AGBL1: variants seen among roughly 807,000 people sequenced by gnomAD.
AGBL1 encodes the protein cytosolic carboxypeptidase 4.
Under a neutral mutation model 118.9 loss-of-function variants are expected in AGBL1, and 130 were observed. The ratio of observed to expected loss-of-function variants is 1.09; its 90% CI spans 0.95 to 1.26. The LOEUF is 1.26. Among genes scored for constraint, AGBL1 ranks in the 50% most tolerant of loss-of-function variants. The pLI is 0.00. For missense variants in AGBL1, 1,584 were observed against 1,298.1 expected (o/e 1.22, Z -3.38); for synonymous variants, 555 against 478.9 (o/e 1.16, Z -2.08).
chr15:86,505,495 A>T (rs748560406), intron 18 of AGBL1, among the ~76,000 whole-genome samples: 1 of 151,426 alleles, frequency 6.6e-6, no homozygotes, highest in Non-Finnish European at 1.5e-5. Context: ...AAAGTGGATA[A>T]CCCCTTCCAG....
At chr15:86,128,821 A>G (rs1436604965) in intron 1 of AGBL1, among the ~76,000 whole-genome samples, 1 of 152,194 alleles carries the variant, frequency 6.6e-6, no homozygotes, top group African/African-American at 2.4e-5. Flanking sequence ...TAATCTTACC[A>G]TACCTGAAAC....
At chr15:86,685,952 T>C (rs2086046640) in intron 22 of AGBL1, among the ~76,000 whole-genome samples, 1 of 152,172 alleles carries the variant, frequency 6.6e-6, no homozygotes, top group South Asian at 2.1e-4. Context: ...CGTAACATCC[T>C]CCACTATAGG....
intron 23 of AGBL1, among the ~76,000 whole-genome samples, chr15:86,966,807 G>A (rs2081058686): frequency 6.6e-6 from 1 of 152,042 alleles, no homozygotes. Context: ...TGTCTTTATA[G>A]CAGCATGATT....
At chr15:86,441,536 A>G (rs975375506) in intron 18 of AGBL1, among the ~76,000 whole-genome samples, 9 of 152,182 alleles carry the variant, frequency 5.9e-5, no homozygotes, top group Non-Finnish European at 1.3e-4. Context: ...AATGACATAG[A>G]TATGCTTCTA....
intron 17 of AGBL1, among the ~76,000 whole-genome samples, chr15:86,347,300 G>A (rs2080553057): frequency 6.6e-6 from 1 of 152,198 alleles, no homozygotes; most frequent in South Asian, 2.1e-4. Flanking sequence ...TTACTAGAAA[G>A]TCCCAGGTGG....
At chr15:86,509,945 C>CTT (rs2083032870) in intron 18 of AGBL1, among the ~76,000 whole-genome samples, 17 of 89,764 alleles carry the variant, frequency 1.9e-4, no homozygotes, top group African/African-American at 7.8e-4. Flanking sequence ...GGCTGAAGCT[C>CTT]ATTTTTTTTT....
chr15:86,670,520 C>G (rs939225325), intron 21 of AGBL1, among the ~76,000 whole-genome samples: 1 of 151,260 alleles, frequency 6.6e-6, no homozygotes, highest in Non-Finnish European at 1.5e-5. Context: ...AGGAGAATTG[C>G]TTGAACCCAG....
At chr15:86,442,215 A>G (rs2082072398) in intron 18 of AGBL1, among the ~76,000 whole-genome samples, 1 of 152,122 alleles carries the variant, frequency 6.6e-6, no homozygotes, top group African/African-American at 2.4e-5. Context: ...GAAAACAAAA[A>G]TCCCTGGCTT....
chr15:86,331,154 G>A (rs1469621903), intron 17 of AGBL1, among the ~76,000 whole-genome samples: 2 of 149,716 alleles, frequency 1.3e-5, no homozygotes, highest in Admixed American at 1.3e-4. Flanking sequence ...AACCCAGGAG[G>A]CAGAGGTTGC....
intron 1 of AGBL1, among the ~76,000 whole-genome samples, chr15:86,136,099 G>A (rs2076884800): frequency 6.6e-6 from 1 of 152,186 alleles, no homozygotes; most frequent in Non-Finnish European, 1.5e-5. Flanking sequence ...TAGTGCATCT[G>A]CCAGTTGAGT....
chr15:86,381,728 G>A (rs188696539), intron 17 of AGBL1, among the ~76,000 whole-genome samples: 72 of 152,296 alleles, frequency 4.7e-4, no homozygotes, highest in Non-Finnish European at 7.8e-4. Context: ...TGGTCAAGAA[G>A]AGAGGGCGTG....
chr15:86,141,966 T>A, intron 1 of AGBL1, 38 bp from the exon 2 acceptor site: 1 of 1,542,478 alleles, frequency 6.5e-7, no homozygotes, highest in Non-Finnish European at 8.8e-7. Context: ...TCCTTCCTCT[T>A]GCATTCTTAA....
chr15:86,983,296 C>T (rs2081249374), intron 23 of AGBL1, among the ~76,000 whole-genome samples: 1 of 152,098 alleles, frequency 6.6e-6, no homozygotes, highest in African/African-American at 2.4e-5. Context: ...ATCTTTGTCA[C>T]TTATATGCAT....
intron 22 of AGBL1, among the ~76,000 whole-genome samples, chr15:86,717,268 A>G (rs533353945): frequency 1.3e-4 from 20 of 152,320 alleles, no homozygotes; most frequent in African/African-American, 4.8e-4. Context: ...TCCATTTTAT[A>G]AACTCGATTT....
intron 17 of AGBL1, among the ~76,000 whole-genome samples, chr15:86,382,290 G>A (rs1177017694): frequency 6.6e-6 from 1 of 152,162 alleles, no homozygotes; most frequent in Non-Finnish European, 1.5e-5. Flanking sequence ...TGAAACGAAG[G>A]GGCCAGAAAT....
chr15:86,243,642 G>C (rs1374412937), intron 6 of AGBL1, among the ~76,000 whole-genome samples: 5 of 152,126 alleles, frequency 3.3e-5, no homozygotes, highest in African/African-American at 7.2e-5. Flanking sequence ...GTAGAGGAGA[G>C]GGTGAGGTGT....
rs79268882 is a variant in AGBL1, at chr15:86,707,420, G to A, written c.3158+32984G>A. On this transcript the variant is annotated intron_variant, in intron 22 of 22. Transcript: ENST00000614907. ...AAAGAATATGTTTTCATGAAACTGT[G>A]TAGCTTGGCTCTGTTTTTGTTTTTC... is the stretch of plus-strand genomic sequence containing the variant. Among the ~76,000 whole-genome samples the A allele has an allele frequency of 1.7e-3, 265 of 152,168 alleles. 3 individuals are homozygous for A. The East Asian group carries it at 0.022, about 13-fold the overall frequency.
chr15:86,487,660 T>TC, intron 18 of AGBL1, among the ~76,000 whole-genome samples: 1 of 152,088 alleles, frequency 6.6e-6, no homozygotes, highest in Non-Finnish European at 1.5e-5. Flanking sequence ...ACAGCAAGCT[T>TC]AATGCATTTA....
At chr15:86,581,764 G>T (rs1463057451) in intron 21 of AGBL1, among the ~76,000 whole-genome samples, 2 of 151,782 alleles carry the variant, frequency 1.3e-5, no homozygotes, top group Non-Finnish European at 2.9e-5. Context: ...GCTCAACATA[G>T]GTACAAAAAT....
Sources: allele counts gnomAD v4.1 joint callset (sites outside exome capture counted in the v4.1 genomes callset), GRCh38; gene constraint gnomAD v4.1.1; transcripts MANE v1.5; gene names NCBI Gene and HGNC (gene_info 2026-07-23, HGNC 2026-07-21).